The following HEMGN variants were observed in gnomAD, a reference collection of about 807,000 sequenced individuals.
The protein encoded by HEMGN is hemogen, also known as erythroid differentiation-associated gene protein.
A neutral mutation model predicts 45.7 loss-of-function variants in HEMGN; 32 were observed. That is an observed-to-expected ratio of 0.70 (90% CI 0.53 to 0.94). HEMGN has a LOEUF of 0.94. Among genes scored for constraint, HEMGN ranks in the 40% least tolerant of loss-of-function variants. HEMGN has a pLI of 0.00. For synonymous variants in HEMGN, 183 were observed against 178.6 expected (o/e 1.02, Z -0.20); for missense variants, 530 against 564.2 (o/e 0.94, Z 0.61).
In HEMGN at chr9:97,930,207, A is replaced by C; in HGVS notation, c.1188T>G (p.Pro396=). The C allele has an allele frequency of 6.2e-7, 1 of 1,614,088 alleles. No individual in the cohort carries two copies. Among genetic ancestry groups the C allele is most frequent in the East Asian group, 2.2e-5 (1 of 44,880 alleles). ...GCCCCGGTGTTTCTTGGTATATTTC[A>C]GGTGAATATTCTTCAAGCTGGGATG... The part of the protein sequence containing the change: ...QETSQLEEYS[P]EIYQETPGPE... Residue 396 remains proline, a synonymous_variant, in exon 3 of 4, where the codon CCT becomes CCG. Transcript: ENST00000616898.
intron 2 of HEMGN, among the ~76,000 whole-genome samples, chr9:97,934,432 AGGAGGGGGAGGGGAGG>A (rs1394274316): frequency 7.1e-4 from 40 of 55,970 alleles, no homozygotes; most frequent in African/African-American, 2.3e-3. Context: ...GATGGGGGAG[AGGAGGGGGAGGGGAGG>A]GGAGGGGGGA....
At chr9:97,936,468 GACCT>G (rs1478072060) in intron 1 of HEMGN, among the ~76,000 whole-genome samples, 1 of 152,186 alleles carries the variant, frequency 6.6e-6, no homozygotes, top group African/African-American at 2.4e-5. Context: ...AAAGGTCAGA[GACCT>G]ACTCCTACAT....
chr9:97,930,121 T>C lies in HEMGN; in HGVS notation c.1274A>G (p.Glu425Gly), dbSNP rs1397106450. The change falls in exon 3 of 4, where the codon GAA (glutamate) becomes GGA (glycine). Residue 425 changes from glutamate to glycine, a missense_variant. Coordinates refer to ENST00000616898, the MANE Select transcript of HEMGN (RefSeq NM_197978.3). ...GGGCCCACCTGTTTCTTGGTGTGGT[T>C]CTGGAAAGCATTCTTTAGGCACATC... Reference protein sequence around the residue: ...NKDVPKECFPEPHQETGGPQG... With the variant: ...NKDVPKECFPGPHQETGGPQG... 1.2e-6 allele frequency: 2 copies of C among 1,614,208 alleles called. No individual in the cohort carries two copies. The highest frequency in any genetic ancestry group is 2.2e-5 in the South Asian group (2 of 91,080).
At chr9:97,934,447 G>A (rs1226442811) in intron 2 of HEMGN, among the ~76,000 whole-genome samples, 6 of 104,242 alleles carry the variant, frequency 5.8e-5, no homozygotes, top group Non-Finnish European at 1.2e-4. Context: ...GGGGAGGGGA[G>A]GGGAGGGGGG....
upstream of HEMGN, chr9:97,938,208 A>G: frequency 1.0e-6 from 1 of 960,112 alleles, no homozygotes; most frequent in Non-Finnish European, 1.6e-6. Flanking sequence ...TAAAATATCA[A>G]AAACATCTAA....
upstream of HEMGN, chr9:97,938,192 CT>C: frequency 3.6e-6 from 4 of 1,113,716 alleles, no homozygotes; most frequent in Non-Finnish European, 2.7e-6. Flanking sequence ...AGCCTAGATG[CT>C]TTTTTAAAAT....
intron 3 of HEMGN, among the ~76,000 whole-genome samples, chr9:97,927,804 A>G (rs1020513889): frequency 1.3e-5 from 2 of 152,166 alleles, no homozygotes; most frequent in African/African-American, 2.4e-5. Flanking sequence ...ACATATACAT[A>G]GTAAAAACTA....
At position 97,930,052 on chromosome 9, in the gene HEMGN, G is replaced by A. The variant is rs146429876; in HGVS notation, c.1343C>T (p.Ala448Val). The A allele has an allele frequency of 1.2e-6, 2 of 1,613,414 alleles. No individual in the cohort carries two copies. The highest frequency in any genetic ancestry group is 1.3e-5 in the African/African-American group (1 of 74,928). ...PKAHQEDAKDAYTFPQEMKEK... is the reference protein window; with the variant it reads ...PKAHQEDAKDVYTFPQEMKEK... ...GCCCTTACCTTGAGGAAAAGTATAAGCATCTTTAGCATCTTCCTGGTGTGC... is the reference window on the plus strand; with the variant it reads ...GCCCTTACCTTGAGGAAAAGTATAAACATCTTTAGCATCTTCCTGGTGTGC... Residue 448 changes from alanine to valine, a missense_variant, in exon 3 of 4, where the codon GCT (alanine) becomes GTT (valine). Ala to Val is a moderately conservative substitution (Grantham distance 64). Coordinates refer to ENST00000616898, the MANE Select transcript of HEMGN (RefSeq NM_197978.3).
intron 2 of HEMGN, among the ~76,000 whole-genome samples, chr9:97,933,812 T>C (rs1357042796): frequency 6.6e-6 from 1 of 152,084 alleles, no homozygotes; most frequent in African/African-American, 2.4e-5. Flanking sequence ...GGCACAGGCC[T>C]TAGCATTATA....
chr9:97,937,968 T>A, intron 1 of HEMGN, 90 bp downstream of exon 1: 1 of 621,596 alleles, frequency 1.6e-6, no homozygotes, highest in Non-Finnish European at 2.7e-6. Flanking sequence ...TCCTTTTTTT[T>A]TTTTTTTGGC....
At chr9:97,929,794 A>G (rs1467922200) in intron 3 of HEMGN, among the ~76,000 whole-genome samples, 2 of 152,214 alleles carry the variant, frequency 1.3e-5, no homozygotes, top group Non-Finnish European at 2.9e-5. Flanking sequence ...ATAGCATCTC[A>G]TAATGGATGG....
chr9:97,928,777 T>C (rs1004078158), intron 3 of HEMGN, among the ~76,000 whole-genome samples: 2 of 152,226 alleles, frequency 1.3e-5, no homozygotes, highest in East Asian at 1.9e-4. Context: ...TTCATCCTTA[T>C]AGAGACTGGT....
In HEMGN at chr9:97,931,208, G is replaced by A. The variant is rs142085732; in HGVS notation, c.187C>T (p.Arg63Cys). Reference protein sequence around the residue: ...SQWLFGEQKKRKQQRTGKGNR... With the variant: ...SQWLFGEQKKCKQQRTGKGNR... ...CCTTTTCCTGTTCTCTGCTGCTTGC[G>A]TTTTTTCTGTTCTCTGCAGAAAGAA... The change falls in exon 3 of 4, where the codon CGC becomes TGC. Residue 63 changes from arginine (R) to cysteine (C), a missense_variant. Arg to Cys is a radical substitution (Grantham distance 180). Coordinates refer to ENST00000616898, the MANE Select transcript of HEMGN (RefSeq NM_197978.3). 1.0e-5 allele frequency: 16 copies of A among 1,601,584 alleles called. No individual in the cohort carries two copies. Among genetic ancestry groups the A allele is most frequent in the South Asian group, 5.7e-5 (5 of 88,380 alleles).
chr9:97,927,595 G>C (rs1587850167), intron 3 of HEMGN, 117 bp from the exon 4 acceptor site: 1 of 613,408 alleles, frequency 1.6e-6, no homozygotes, highest in East Asian at 2.8e-5. Flanking sequence ...CCGTAGATGG[G>C]GTAAATTTTT....
intron 3 of HEMGN, 146 bp from the exon 4 acceptor site, chr9:97,927,624 G>C: frequency 1.8e-6 from 1 of 557,674 alleles, no homozygotes; most frequent in South Asian, 2.5e-5. Flanking sequence ...TAAAGTTATA[G>C]AAATAATAGT....
rs1826850556 is a variant in HEMGN, at chr9:97,927,503, A to G, written c.1361-25T>C. On this transcript the variant is annotated intron_variant, in intron 3 of 3. Coordinates refer to ENST00000616898, the MANE Select transcript of HEMGN (RefSeq NM_197978.3). ...TCTGTAAAATCAAATAAAATAAAAA[A>G]TAGATTCAATAAATTGTATTGGGAC... 2.8e-6 allele frequency: 4 copies of G among 1,451,878 alleles called. No individual in the cohort carries two copies. The South Asian group carries it at 3.5e-5, about 13-fold the overall frequency. The allele number at this position is 1,451,878 out of a possible 1,614,324, so 89.9% of individuals were successfully genotyped here. A position where few individuals can be genotyped will look rare whatever the true frequency, so the allele number is the denominator to read the frequency against.
chr9:97,935,494 T>C (rs1827041625), intron 2 of HEMGN, among the ~76,000 whole-genome samples: 1 of 152,156 alleles, frequency 6.6e-6, no homozygotes, highest in Non-Finnish European at 1.5e-5. Context: ...CAGGAAGTTC[T>C]CCTGCCCCCA....
upstream of HEMGN, among the ~76,000 whole-genome samples, chr9:97,941,802 G>A (rs991731733): frequency 5.9e-5 from 9 of 152,254 alleles, no homozygotes; most frequent in South Asian, 1.2e-3. Flanking sequence ...ATAGTGTCTC[G>A]GAAGCCAAGA....
At chr9:97,935,657 A>T (rs1031728047) in intron 2 of HEMGN, among the ~76,000 whole-genome samples, 8 of 152,194 alleles carry the variant, frequency 5.3e-5, no homozygotes, top group African/African-American at 1.9e-4. Context: ...CAGTCATGTT[A>T]TTGTACCCCC....
Sources: allele counts gnomAD v4.1 joint callset (sites outside exome capture counted in the v4.1 genomes callset), GRCh38; gene constraint gnomAD v4.1.1; transcripts MANE v1.5; gene names NCBI Gene and HGNC (gene_info 2026-07-23, HGNC 2026-07-21).